SNTG1: variants seen among roughly 807,000 people sequenced by gnomAD.
SNTG1 encodes gamma-1-syntrophin.
Under a neutral mutation model 74.7 loss-of-function variants are expected in SNTG1, and 39 were observed. The ratio of observed to expected loss-of-function variants is 0.52; its 90% CI spans 0.40 to 0.68. The LOEUF (loss-of-function observed/expected upper bound fraction) is 0.68, where lower values mean the gene tolerates loss of function less well. Ranked by LOEUF, SNTG1 falls within the 30% of genes least tolerant of loss-of-function variation. SNTG1 has a pLI of 0.00. For synonymous variants in SNTG1, 254 were observed against 217.1 expected (o/e 1.17, Z -1.49); for missense variants, 685 against 609.5 (o/e 1.12, Z -1.30).
chr8:50,430,260 A>G (rs2093218290), intron 4 of SNTG1, among the ~76,000 whole-genome samples: 1 of 152,194 alleles, frequency 6.6e-6, no homozygotes, highest in Non-Finnish European at 1.5e-5. Context: ...CAAAAAATAT[A>G]TTCTTAGAAA....
chr8:50,283,193 A>G (rs1006399187), intron 2 of SNTG1, among the ~76,000 whole-genome samples: 1 of 152,236 alleles, frequency 6.6e-6, no homozygotes, highest in Admixed American at 6.5e-5. Flanking sequence ...TTTCAGTCTC[A>G]TATAATTAAT....
intron 13 of SNTG1, among the ~76,000 whole-genome samples, chr8:50,627,125 C>A (rs930951240): frequency 6.6e-6 from 1 of 152,132 alleles, no homozygotes; most frequent in Non-Finnish European, 1.5e-5. Flanking sequence ...AAACACCTCT[C>A]TTCATTTTGT....
intron 8 of SNTG1, among the ~76,000 whole-genome samples, chr8:50,484,016 C>A (rs370217064): frequency 1.9e-4 from 29 of 152,150 alleles, no homozygotes; most frequent in African/African-American, 6.5e-4. Flanking sequence ...GTGGTTATAT[C>A]AAATATGTAT....
chr8:50,146,755 A>G (rs1401644087), intron 1 of SNTG1, among the ~76,000 whole-genome samples: 1 of 152,182 alleles, frequency 6.6e-6, no homozygotes, highest in Non-Finnish European at 1.5e-5. Context: ...AAAATTATGT[A>G]GTGGCCTTTC....
chr8:50,172,022 A>C (rs1197254176), intron 1 of SNTG1, among the ~76,000 whole-genome samples: 3 of 152,086 alleles, frequency 2.0e-5, no homozygotes, highest in African/African-American at 4.8e-5. Context: ...CAGAAGCACC[A>C]CTCTAGCCTC....
At chr8:50,271,189 A>T (rs2087757745) in intron 2 of SNTG1, among the ~76,000 whole-genome samples, 1 of 152,202 alleles carries the variant, frequency 6.6e-6, no homozygotes, top group South Asian at 2.1e-4. Context: ...GTTATTAAAA[A>T]TATGTCAGCT....
At position 50,704,699 on chromosome 8, in the gene SNTG1, C is replaced by G; in HGVS notation, c.1138C>G (p.Gln380Glu). 6.2e-7 allele frequency: 1 copy of G among 1,614,090 alleles called. No homozygotes were observed. Among genetic ancestry groups the G allele is most frequent in the Non-Finnish European group, 8.5e-7 (1 of 1,180,016 alleles). Reference protein sequence around the residue: ...FSVELESDLAQWERAFQTATF... With the variant: ...FSVELESDLAEWERAFQTATF... ...AGTGGAGCTGGAAAGTGACCTCGCC[C>G]AGTGGGAAAGAGCCTTCCAGACAGC... The change falls in exon 16 of 19, where the codon CAG becomes GAG. Residue 380 changes from glutamine to glutamate, a missense_variant. Coordinates refer to ENST00000642720, the MANE Select transcript of SNTG1 (RefSeq NM_018967.5).
chr8:50,790,645 C>T (rs779239469), intron 18 of SNTG1, among the ~76,000 whole-genome samples: 10 of 151,810 alleles, frequency 6.6e-5, no homozygotes, highest in Non-Finnish European at 1.2e-4. Flanking sequence ...GATGTGTGGG[C>T]ATTGTAATGA....
At chr8:49,987,431 G>A (rs971159072) in intron 1 of SNTG1, among the ~76,000 whole-genome samples, 5 of 152,052 alleles carry the variant, frequency 3.3e-5, no homozygotes, top group African/African-American at 1.2e-4. Flanking sequence ...CCTAAAAAGA[G>A]TCTTCTTGGG....
At chr8:50,256,339 A>G (rs1483922691) in intron 2 of SNTG1, among the ~76,000 whole-genome samples, 1 of 152,096 alleles carries the variant, frequency 6.6e-6, no homozygotes, top group East Asian at 1.9e-4. Flanking sequence ...ACTAGTCATT[A>G]TACTAAACTA....
At chr8:50,161,727 T>C (rs1169095353) in intron 1 of SNTG1, among the ~76,000 whole-genome samples, 8 of 151,142 alleles carry the variant, frequency 5.3e-5, no homozygotes, top group Non-Finnish European at 1.2e-4. Flanking sequence ...GAGGGAAGCA[T>C]TCCCACAAAA....
chr8:50,558,995 G>A (rs186964133), intron 12 of SNTG1, among the ~76,000 whole-genome samples: 8 of 152,198 alleles, frequency 5.3e-5, no homozygotes, highest in Admixed American at 2.6e-4. Flanking sequence ...TTAGAAACAG[G>A]AAGTACATGT....
chr8:50,093,674 A>G (rs1033790672), intron 1 of SNTG1, among the ~76,000 whole-genome samples: 4 of 152,170 alleles, frequency 2.6e-5, no homozygotes, highest in Non-Finnish European at 5.9e-5. Flanking sequence ...CGAGATGCTA[A>G]GTATTATAAA....
rs931126681 is a variant in SNTG1 at position 50,680,158 on chromosome 8, T to C, written c.1038+21495T>C. ...AAACTTGCTGAATCATCTGCTTATGTTGTATGTCAGTGGGAGAAAGAGGCC... is the reference window on the plus strand; with the variant it reads ...AAACTTGCTGAATCATCTGCTTATGCTGTATGTCAGTGGGAGAAAGAGGCC... On this transcript the variant is annotated intron_variant, in intron 15 of 18. Transcript: ENST00000642720. Among the ~76,000 whole-genome samples the C allele has an allele frequency of 3.3e-5, 5 of 152,194 alleles. No homozygotes were observed. In the South Asian group the frequency reaches 8.3e-4, roughly 25 times the overall value.
At chr8:50,402,440 G>A in intron 4 of SNTG1, 96 bp downstream of exon 4, 1 of 1,395,316 alleles carries the variant, frequency 7.2e-7, no homozygotes, top group Non-Finnish European at 9.7e-7. Flanking sequence ...TTTTCTTTCA[G>A]TGTCTAGTCA....
intron 2 of SNTG1, among the ~76,000 whole-genome samples, chr8:50,273,420 G>A (rs1039161330): frequency 8.5e-5 from 13 of 152,152 alleles, no homozygotes; most frequent in African/African-American, 2.4e-4. Context: ...TCTAGGTCTC[G>A]GGTTATATAA....
chr8:50,731,379 G>T (rs991667376), intron 17 of SNTG1, among the ~76,000 whole-genome samples: 1 of 152,010 alleles, frequency 6.6e-6, no homozygotes, highest in African/African-American at 2.4e-5. Context: ...AGACAAATTG[G>T]CATATTTTTT....
chr8:50,079,203 C>T (rs916390077), intron 1 of SNTG1, among the ~76,000 whole-genome samples: 9 of 152,228 alleles, frequency 5.9e-5, no homozygotes, highest in Non-Finnish European at 1.0e-4. Context: ...TGTTCCTGCA[C>T]AGCCTCACCA....
intron 14 of SNTG1, 150 bp from the exon 15 acceptor site, chr8:50,658,442 G>A: frequency 1.9e-6 from 1 of 513,210 alleles, no homozygotes; most frequent in Middle Eastern, 5.0e-4. Flanking sequence ...AAAGCATTAT[G>A]TAGGGTCCTT....
Sources: allele counts gnomAD v4.1 joint callset (sites outside exome capture counted in the v4.1 genomes callset), GRCh38; gene constraint gnomAD v4.1.1; transcripts MANE v1.5; gene names NCBI Gene and HGNC (gene_info 2026-07-23, HGNC 2026-07-21).